FGF14: variants seen among roughly 807,000 people sequenced by gnomAD.
FGF14 encodes fibroblast growth factor 14.
In FGF14, 5 loss-of-function variants were observed where a neutral mutation model predicts 25.5. The observed-to-expected ratio is 0.20, with a 90% CI of 0.10 to 0.41. The LOEUF (loss-of-function observed/expected upper bound fraction) is 0.41, where lower values mean the gene tolerates loss of function less well. Among genes scored for constraint, FGF14 ranks in the 10% least tolerant of loss-of-function variants. FGF14 has a pLI of 1.00. For synonymous variants in FGF14, 138 were observed against 118.3 expected, an observed-to-expected ratio of 1.17 and a Z score of -1.08; for missense variants, 222 against 320.1, an observed-to-expected ratio of 0.69 and a Z score of 2.34.
intron 1 of FGF14, among the ~76,000 whole-genome samples, chr13:102,247,581 A>C (rs1594570920): frequency 1.3e-5 from 2 of 152,180 alleles, no homozygotes; most frequent in African/African-American, 4.8e-5. Context: ...TTAAAAATTC[A>C]GAAAATAATA....
intron 1 of FGF14, among the ~76,000 whole-genome samples, chr13:102,290,878 T>C (rs1234356580): frequency 3.3e-5 from 5 of 152,194 alleles, no homozygotes; most frequent in Non-Finnish European, 7.3e-5. Flanking sequence ...CAAAATGACA[T>C]ACCAGCAGCA....
intron 1 of FGF14, among the ~76,000 whole-genome samples, chr13:102,091,096 A>T (rs1169078135): frequency 6.6e-6 from 1 of 152,254 alleles, no homozygotes; most frequent in Non-Finnish European, 1.5e-5. Flanking sequence ...ATTAACACAT[A>T]CAAATAGAGT....
chr13:102,057,647 GGCATGAATAGT>G (rs1409281073), intron 1 of FGF14, among the ~76,000 whole-genome samples: 3 of 152,010 alleles, frequency 2.0e-5, no homozygotes, highest in Non-Finnish European at 4.4e-5. Context: ...AGCTATTTAT[GGCATGAATAGT>G]GCATTGTAAT....
rs34001390 is a variant in FGF14, at chr13:101,873,416, T to C, written c.304+1770A>G. On this transcript the variant is annotated intron_variant, in intron 2 of 4. Transcript: ENST00000376143. ...GTATGTCCTGTCTTGAAAACTTTTGTCATAAAATGGATGGCATCAGTCTTT... is the reference window on the plus strand; with the variant it reads ...GTATGTCCTGTCTTGAAAACTTTTGCCATAAAATGGATGGCATCAGTCTTT... 8.3e-4 allele frequency among the ~76,000 whole-genome samples: 127 copies of C among 152,218 alleles called. 1 individual carries two copies. The highest frequency in any genetic ancestry group is 2.1e-3 in the South Asian group (10 of 4,818).
intron 1 of FGF14, among the ~76,000 whole-genome samples, chr13:101,951,247 A>C (rs917326517): frequency 6.6e-6 from 1 of 152,140 alleles, no homozygotes; most frequent in African/African-American, 2.4e-5. Flanking sequence ...TGTTCATATG[A>C]TTTGATGCAT....
At chr13:102,066,447 A>G (rs2140128372) in intron 1 of FGF14, among the ~76,000 whole-genome samples, 1 of 152,312 alleles carries the variant, frequency 6.6e-6, no homozygotes, top group East Asian at 1.9e-4. Context: ...ATCAATAACA[A>G]TACTTTTCAC....
chr13:101,783,478 A>T (rs2039632316), intron 3 of FGF14, among the ~76,000 whole-genome samples: 1 of 151,756 alleles, frequency 6.6e-6, no homozygotes. Context: ...CAAAAAAAAA[A>T]AAAAGTATCT....
At chr13:102,107,498 GA>G (rs995575682) in intron 1 of FGF14, among the ~76,000 whole-genome samples, 2 of 151,552 alleles carry the variant, frequency 1.3e-5, no homozygotes, top group Non-Finnish European at 2.9e-5. Context: ...ATTCAAAGGT[GA>G]AAAAAAAGAG....
chr13:102,019,581 G>A (rs1269116939), intron 1 of FGF14, among the ~76,000 whole-genome samples: 1 of 152,114 alleles, frequency 6.6e-6, no homozygotes, highest in African/African-American at 2.4e-5. Flanking sequence ...TAATGGAGCA[G>A]GTATTCAAAC....
At chr13:102,256,161 G>T (rs1478414127) in intron 1 of FGF14, among the ~76,000 whole-genome samples, 1 of 152,034 alleles carries the variant, frequency 6.6e-6, no homozygotes, top group Admixed American at 6.6e-5. Context: ...ATGGAAGAGA[G>T]GGAGAAATGA....
chr13:102,076,653 T>G (rs1024953345), intron 1 of FGF14, among the ~76,000 whole-genome samples: 10 of 152,036 alleles, frequency 6.6e-5, no homozygotes, highest in African/African-American at 2.4e-4. Flanking sequence ...ACAAATAAAT[T>G]GAAGACACAA....
chr13:102,292,254 T>C (rs887145135), intron 1 of FGF14: 10 of 126,796 alleles, frequency 7.9e-5, no homozygotes, highest in Non-Finnish European at 1.6e-4. Flanking sequence ...ACCTGCCAAA[T>C]ATTTCCTACC....
intron 1 of FGF14, among the ~76,000 whole-genome samples, chr13:102,377,757 GA>G (rs1465143592): frequency 2.0e-5 from 3 of 152,186 alleles, no homozygotes; most frequent in Non-Finnish European, 4.4e-5. Context: ...GCAGTGAGCT[GA>G]AATCGTGCCA....
intron 1 of FGF14, among the ~76,000 whole-genome samples, chr13:102,307,274 G>A (rs147496596): frequency 0.01 from 1,537 of 152,170 alleles, 13 homozygotes; most frequent in Non-Finnish European, 0.014. Context: ...GAGAACCTCC[G>A]GAAAGGAACG....
At chr13:102,287,972 C>T (rs2054190240) in intron 1 of FGF14, among the ~76,000 whole-genome samples, 1 of 152,144 alleles carries the variant, frequency 6.6e-6, no homozygotes, top group African/African-American at 2.4e-5. Context: ...CACAAATGAA[C>T]TAATAATATC....
At chr13:102,224,547 G>T (rs1161643386) in intron 1 of FGF14, among the ~76,000 whole-genome samples, 1 of 152,038 alleles carries the variant, frequency 6.6e-6, no homozygotes. Flanking sequence ...GCAACATTCA[G>T]GGTCCTATCC....
At chr13:102,331,012 C>T (rs1256208822) in intron 1 of FGF14, among the ~76,000 whole-genome samples, 2 of 152,278 alleles carry the variant, frequency 1.3e-5, no homozygotes, top group African/African-American at 2.4e-5. Context: ...GGAATCAGAC[C>T]GTCCTCCATT....
intron 3 of FGF14, among the ~76,000 whole-genome samples, chr13:101,739,896 A>G (rs1425269193): frequency 6.6e-6 from 1 of 152,204 alleles, no homozygotes; most frequent in East Asian, 1.9e-4. Flanking sequence ...CCAGTAGTTA[A>G]AAATCAACTT....
intron 1 of FGF14, among the ~76,000 whole-genome samples, chr13:102,085,141 C>G (rs2043831791): frequency 6.6e-6 from 1 of 152,184 alleles, no homozygotes; most frequent in Non-Finnish European, 1.5e-5. Flanking sequence ...AATACACGCT[C>G]TACATACTTT....
Sources: gnomAD v4.1 joint callset for allele counts (sites outside exome capture counted in the v4.1 genomes callset) on GRCh38, gnomAD v4.1.1 for gene constraint, MANE v1.5 for transcripts, NCBI Gene and HGNC (gene_info 2026-07-23, HGNC 2026-07-21) for gene names.